INVS: variants seen among roughly 807,000 people sequenced by gnomAD.
INVS encodes the protein inversion of embryo turning homolog.
In INVS, 86 loss-of-function variants were observed where a neutral mutation model predicts 108.8. The ratio of observed to expected loss-of-function variants is 0.79; its 90% CI spans 0.66 to 0.95. The LOEUF (loss-of-function observed/expected upper bound fraction) is 0.95, where lower values mean the gene tolerates loss of function less well. INVS is among the 40% of genes least tolerant of loss of function. The pLI is 0.00. For missense variants in INVS, 1,169 were observed against 1,297.4 expected (o/e 0.90, Z 1.52); for synonymous variants, 455 against 473.5 (o/e 0.96, Z 0.51).
intron 3 of INVS, among the ~76,000 whole-genome samples, chr9:100,156,257 CTT>C (rs931919205): frequency 3.4e-4 from 43 of 124,694 alleles, no homozygotes; most frequent in Admixed American, 3.2e-4. Flanking sequence ...GTTAGGAATA[CTT>C]TTTTTTTTTT....
intron 14 of INVS, among the ~76,000 whole-genome samples, chr9:100,294,407 C>T (rs968128959): frequency 1.3e-5 from 2 of 152,182 alleles, no homozygotes; most frequent in Non-Finnish European, 2.9e-5. Flanking sequence ...TAACCCAGAG[C>T]CGGGTGATCT....
At chr9:100,204,235 A>G (rs182372788) in intron 3 of INVS, among the ~76,000 whole-genome samples, 71 of 152,350 alleles carry the variant, frequency 4.7e-4, no homozygotes, top group African/African-American at 1.7e-3. Flanking sequence ...TAGAGCCAGG[A>G]CTAAAACCCA....
intron 3 of INVS, among the ~76,000 whole-genome samples, chr9:100,148,687 A>T (rs1268005134): frequency 6.6e-6 from 1 of 152,256 alleles, no homozygotes; most frequent in African/African-American, 2.4e-5. Context: ...AAAAGATTTT[A>T]ATTAAAGCTG....
intron 3 of INVS, among the ~76,000 whole-genome samples, chr9:100,224,317 G>C (rs1588101490): frequency 6.6e-6 from 1 of 152,266 alleles, no homozygotes; most frequent in East Asian, 1.9e-4. Flanking sequence ...GATGACAAAT[G>C]GACAAATAAT....
At chr9:100,253,252 A>G (rs916784825) in intron 10 of INVS, 116 bp downstream of exon 10, 17 of 754,264 alleles carry the variant, frequency 2.3e-5, no homozygotes, top group Non-Finnish European at 3.7e-5. Context: ...CCACAAATCC[A>G]TCTGTTAATC....
intron 2 of INVS, 83 bp downstream of exon 2, chr9:100,104,710 A>G (rs184967559): frequency 7.1e-6 from 6 of 849,166 alleles, no homozygotes; most frequent in Admixed American, 1.8e-5. Context: ...TTAATTTGCA[A>G]TGTACTCATA....
intron 3 of INVS, among the ~76,000 whole-genome samples, chr9:100,165,811 A>G (rs1829345386): frequency 6.6e-6 from 1 of 152,144 alleles, no homozygotes; most frequent in African/African-American, 2.4e-5. Context: ...GCTATCTGCT[A>G]TGTCCAAATA....
chr9:100,162,792 A>T (rs923912259), intron 3 of INVS, among the ~76,000 whole-genome samples: 1 of 150,972 alleles, frequency 6.6e-6, no homozygotes, highest in Non-Finnish European at 1.5e-5. Context: ...ATGCCACTGC[A>T]CTCCAGCCTG....
intron 12 of INVS, among the ~76,000 whole-genome samples, chr9:100,274,760 G>A (rs1006308186): frequency 2.6e-5 from 4 of 151,972 alleles, no homozygotes; most frequent in Non-Finnish European, 5.9e-5. Context: ...CCACCTTGGC[G>A]TCCCAAAATG....
chr9:100,101,926 A>G (rs1242968124), intron 1 of INVS: 1 of 152,136 alleles, frequency 6.6e-6, no homozygotes, highest in African/African-American at 2.4e-5. Context: ...ACTTTGATAA[A>G]GCAGCTTAAG....
chr9:100,152,593 A>AT (rs1828842176), intron 3 of INVS, among the ~76,000 whole-genome samples: 1 of 152,202 alleles, frequency 6.6e-6, no homozygotes, highest in Non-Finnish European at 1.5e-5. Context: ...TCTGATGGGT[A>AT]TGTCATTCAT....
chr9:100,134,587 C>G (rs1027990526), intron 3 of INVS, among the ~76,000 whole-genome samples: 3 of 152,074 alleles, frequency 2.0e-5, no homozygotes, highest in African/African-American at 7.2e-5. Context: ...CCCTGAACGC[C>G]CCATCCATGC....
chr9:100,230,527 A>T (rs1044959714), intron 5 of INVS, among the ~76,000 whole-genome samples: 4 of 151,124 alleles, frequency 2.6e-5, no homozygotes, highest in African/African-American at 9.8e-5. Context: ...ATTTTATTTT[A>T]TTTTATTTTG....
chr9:100,117,483 G>T, intron 2 of INVS: 3 of 784,704 alleles, frequency 3.8e-6, no homozygotes, highest in Non-Finnish European at 6.7e-6. Context: ...TTGCCTTCTC[G>T]AGCTCCACGG....
In INVS at chr9:100,126,393, T is replaced by C; in HGVS notation, c.117T>C (p.Ala39=). 1 of 1,613,492 alleles carries C rather than the reference T, an allele frequency of 6.2e-7. No homozygotes were observed. ...ALQRLIVGNS[A]LKDKEDQFGR... Reference sequence around the variant, plus strand: ...TTCTTATCCTTATAGGAAACTCTGCTCTTAAAGACAAAGAAGATCAGTTTG... The same window carrying C: ...TTCTTATCCTTATAGGAAACTCTGCCCTTAAAGACAAAGAAGATCAGTTTG... Residue 39 remains alanine (A), a synonymous_variant, in exon 3 of 17, where the codon GCT becomes GCC. Transcript: ENST00000262457.
Position 100,246,712 on chromosome 9 carries a change from G to A in INVS, c.1003G>A (p.Asp335Asn). 1 of 1,613,914 alleles carries A rather than the reference G, an allele frequency of 6.2e-7. No homozygotes were observed. The highest frequency in any genetic ancestry group is 8.5e-7 in the Non-Finnish European group (1 of 1,179,806). Reference sequence around the variant, plus strand: ...TATGTGGGCAGCTGGCAAAGGCAGTGATGATGTCCTTAGAACTATGCTGAG... The same window carrying A: ...TATGTGGGCAGCTGGCAAAGGCAGTAATGATGTCCTTAGAACTATGCTGAG... ...SFMWAAGKGS[D>N]DVLRTMLSLK... The change falls in exon 8 of 17, where the codon GAT (aspartate) becomes AAT (asparagine). Residue 335 changes from aspartate (D) to asparagine (N), a missense_variant. Around this residue, in one of 3 missense-constraint regions of INVS, gnomAD observed 365 missense variants for 397.5 expected, o/e 0.92. Transcript: ENST00000262457.
chr9:100,230,528 TTTTA>T (rs1831475031), intron 5 of INVS, among the ~76,000 whole-genome samples: 5 of 152,136 alleles, frequency 3.3e-5, no homozygotes, highest in African/African-American at 1.2e-4. Flanking sequence ...TTTTATTTTA[TTTTA>T]TTTTGAGACA....
intron 5 of INVS, among the ~76,000 whole-genome samples, chr9:100,234,538 G>T (rs1299221440): frequency 6.6e-6 from 1 of 152,196 alleles, no homozygotes; most frequent in South Asian, 2.1e-4. Context: ...TGCTTTAGCT[G>T]TGTCCCGCAG....
rs2118493033 is a variant in INVS at position 100,240,045 on chromosome 9, G to A, written c.616-15G>A. On this transcript the variant is annotated splice_polypyrimidine_tract_variant and intron_variant, in intron 5 of 16. Coordinates refer to ENST00000262457, the MANE Select transcript of INVS (RefSeq NM_014425.5). The stretch of plus-strand genomic sequence containing the variant: ...ATTCCATGTATGTCTGAAGTCTCTG[G>A]TTCCTTCAAATCAGGATGCTGCTCC... 1 of 1,611,428 alleles carries A rather than the reference G, an allele frequency of 6.2e-7. No homozygotes were observed. Among genetic ancestry groups the A allele is most frequent in the Non-Finnish European group, 8.5e-7 (1 of 1,177,576 alleles).
Sources: allele counts gnomAD v4.1 joint callset (sites outside exome capture counted in the v4.1 genomes callset), GRCh38; gene constraint gnomAD v4.1.1; regional missense constraint gnomAD v4.1.1; transcripts MANE v1.5; gene names NCBI Gene and HGNC (gene_info 2026-07-23, HGNC 2026-07-21).